The following KIRREL1 variants were observed in gnomAD, a reference collection of about 807,000 sequenced individuals.
The protein encoded by KIRREL1 is kin of IRRE-like protein 1.
A neutral mutation model predicts 83.3 loss-of-function variants in KIRREL1; 25 were observed. That is an observed-to-expected ratio of 0.30 (90% confidence interval 0.22 to 0.42). The LOEUF is 0.42. Among genes scored for constraint, KIRREL1 ranks in the 10% least tolerant of loss-of-function variants. KIRREL1 has a pLI of 1.00. For missense variants in KIRREL1, 812 were observed against 1,032.3 expected (o/e 0.79, Z 2.92); for synonymous variants, 388 against 410.4 (o/e 0.95, Z 0.66).
chr1:158,071,783 G>A (rs1337047492), intron 1 of KIRREL1, among the ~76,000 whole-genome samples: 3 of 152,150 alleles, frequency 2.0e-5, no homozygotes, highest in African/African-American at 7.2e-5. Context: ...TCTGTGGCGT[G>A]GATGGTGGAC....
At chr1:158,001,686 G>A (rs371812874) in intron 1 of KIRREL1, among the ~76,000 whole-genome samples, 9 of 152,140 alleles carry the variant, frequency 5.9e-5, no homozygotes, top group African/African-American at 2.2e-4. Context: ...TACCAGATGG[G>A]CCAGACTTCC....
intron 1 of KIRREL1, among the ~76,000 whole-genome samples, chr1:158,008,018 GCCGGGAGGCCCC>G (rs1360004167): frequency 6.6e-6 from 1 of 152,220 alleles, no homozygotes; most frequent in East Asian, 1.9e-4. Flanking sequence ...TCAAAGCAAA[GCCGGGAGGCCCC>G]CCTCTCGCCC....
At chr1:158,045,406 A>C (rs1269064866) in intron 1 of KIRREL1, among the ~76,000 whole-genome samples, 2 of 152,236 alleles carry the variant, frequency 1.3e-5, no homozygotes, top group African/African-American at 2.4e-5. Flanking sequence ...AGTAACTACA[A>C]ATTCAGTGGT....
intron 1 of KIRREL1, among the ~76,000 whole-genome samples, chr1:158,042,212 GGTGTGT>G (rs10577493): frequency 0.026 from 3,594 of 137,616 alleles, 112 homozygotes; most frequent in African/African-American, 0.075. Flanking sequence ...TCTTCTCCAG[GGTGTGT>G]GTGTGTGTGT....
At position 158,094,602 on chromosome 1, in the gene KIRREL1, A is replaced by G. The variant is rs1662300595; in HGVS notation, c.1798-42A>G. On this transcript the variant is annotated intron_variant, in intron 14 of 14. Coordinates refer to ENST00000359209, the MANE Select transcript of KIRREL1 (RefSeq NM_018240.7). The surrounding 1 kb of genome is among the most constrained non-coding windows in gnomAD (Gnocchi z 4.6). Reference sequence around the variant, plus strand: ...CATGGTGAGACTTGATCCCCACCCAAGAGGGAACACTGCCTCCATCCTCTT... The same window carrying G: ...CATGGTGAGACTTGATCCCCACCCAGGAGGGAACACTGCCTCCATCCTCTT... 1.3e-6 allele frequency: 2 copies of G among 1,504,136 alleles called. No individual in the cohort carries two copies. Among genetic ancestry groups the G allele is most frequent in the Middle Eastern group, 1.7e-4 (1 of 5,748 alleles). 93.2% of individuals were successfully genotyped at this position (1,504,136 alleles called of 1,614,324 possible).
At chr1:158,006,176 C>T (rs1659515756) in intron 1 of KIRREL1, among the ~76,000 whole-genome samples, 1 of 152,174 alleles carries the variant, frequency 6.6e-6, no homozygotes, top group Non-Finnish European at 1.5e-5. Flanking sequence ...AATGGACTCT[C>T]AAAATGTCTC....
chr1:157,993,864 C>T (rs985150560), intron 1 of KIRREL1, 136 bp downstream of exon 1: 6 of 494,340 alleles, frequency 1.2e-5, no homozygotes, highest in Admixed American at 8.9e-5. Context: ...GGCGGGGGCT[C>T]GGTCCGGGCG....
chr1:158,040,474 CT>C (rs766268066), intron 1 of KIRREL1, among the ~76,000 whole-genome samples: 1 of 152,254 alleles, frequency 6.6e-6, no homozygotes, highest in Non-Finnish European at 1.5e-5. Context: ...ATGATAACAT[CT>C]ATCTTCCAAG....
intron 1 of KIRREL1, among the ~76,000 whole-genome samples, chr1:158,055,534 T>C (rs972951539): frequency 6.6e-6 from 1 of 152,212 alleles, no homozygotes; most frequent in African/African-American, 2.4e-5. Flanking sequence ...CCCCACTTCC[T>C]GTGCCCTGGC....
intron 1 of KIRREL1, among the ~76,000 whole-genome samples, chr1:158,074,754 G>A (rs753940587): frequency 1.3e-5 from 2 of 152,298 alleles, no homozygotes; most frequent in South Asian, 2.1e-4. Flanking sequence ...GGAAGGGGAT[G>A]AGACTAGGAT....
At chr1:158,036,316 C>T (rs1023388869) in intron 1 of KIRREL1, among the ~76,000 whole-genome samples, 5 of 151,938 alleles carry the variant, frequency 3.3e-5, no homozygotes, top group Non-Finnish European at 5.9e-5. Flanking sequence ...CTTGTAGCAC[C>T]AATTGGACAG....
intron 1 of KIRREL1, among the ~76,000 whole-genome samples, chr1:158,074,387 C>T (rs879250141): frequency 6.6e-6 from 1 of 152,112 alleles, no homozygotes; most frequent in Admixed American, 6.5e-5. Flanking sequence ...TTTTTCAGAC[C>T]CCTTTGTGTG....
At chr1:158,022,923 G>A (rs896133939) in intron 1 of KIRREL1, among the ~76,000 whole-genome samples, 5 of 152,214 alleles carry the variant, frequency 3.3e-5, no homozygotes, top group African/African-American at 1.2e-4. Context: ...AATGAAGAGA[G>A]ACCTGGGGTT....
At chr1:158,008,722 C>G (rs1212963838) in intron 1 of KIRREL1, among the ~76,000 whole-genome samples, 8 of 152,122 alleles carry the variant, frequency 5.3e-5, no homozygotes, top group African/African-American at 1.9e-4. Flanking sequence ...GTGGGAGCTG[C>G]GCCAGGTGTT....
intron 1 of KIRREL1, among the ~76,000 whole-genome samples, chr1:157,995,459 T>G: frequency 6.7e-6 from 1 of 148,710 alleles, no homozygotes; most frequent in African/African-American, 2.5e-5. Flanking sequence ...GCTGTTGGTG[T>G]CGGGGAGGAA....
chr1:158,088,596 T>C (rs957307352), intron 8 of KIRREL1, 142 bp downstream of exon 8: 1 of 632,170 alleles, frequency 1.6e-6, no homozygotes, highest in Non-Finnish European at 2.4e-6. Context: ...GCCATTCTCC[T>C]GCCTCAGCCT....
At chr1:158,077,942 G>T in intron 2 of KIRREL1, 49 bp from the exon 3 acceptor site, 1 of 1,605,966 alleles carries the variant, frequency 6.2e-7, no homozygotes, top group Non-Finnish European at 8.5e-7. Flanking sequence ...GGATGGCTGA[G>T]GATGTGTCCT....
chr1:158,041,911 GGTTAGGCA>G (rs1427209366), intron 1 of KIRREL1, among the ~76,000 whole-genome samples: 1 of 152,184 alleles, frequency 6.6e-6, no homozygotes, highest in Non-Finnish European at 1.5e-5. Context: ...TGGCGAGGAG[GGTTAGGCA>G]GTTGGTCTGG....
In KIRREL1 at chr1:158,088,780, G is replaced by A. The variant is rs944169672; in HGVS notation, c.1044+326G>A. On this transcript the variant is annotated intron_variant, in intron 8 of 14. Transcript: ENST00000359209. ...ATTACAGGCGTGAGCCACCGCGCCC[G>A]GCCTTACTGCGTGTTCTGAATGCTG... Among the ~76,000 whole-genome samples, 15 of 152,172 alleles carry A rather than the reference G, an allele frequency of 9.9e-5. No homozygotes were observed. The South Asian group carries it at 1.2e-3, about 13-fold the overall frequency.
Sources: gnomAD v4.1 joint callset for allele counts (sites outside exome capture counted in the v4.1 genomes callset) on GRCh38, gnomAD v4.1.1 for gene constraint, Gnocchi (gnomAD v3.1) non-coding constraint, MANE v1.5 for transcripts, NCBI Gene and HGNC (gene_info 2026-07-23, HGNC 2026-07-21) for gene names.